The following WWP1 variants were observed in gnomAD, a reference collection of about 807,000 sequenced individuals.
The protein encoded by WWP1 is NEDD4-like E3 ubiquitin-protein ligase WWP1.
A neutral mutation model predicts 130.6 loss-of-function variants in WWP1; 49 were observed. That is an observed-to-expected ratio of 0.38 (90% CI 0.30 to 0.48). WWP1 has a LOEUF of 0.48. Among genes scored for constraint, WWP1 ranks in the 20% least tolerant of loss-of-function variants. The probability of loss-of-function intolerance (pLI) is 0.99; values close to 1 mark genes in which losing one functional copy is unlikely to be tolerated. For synonymous variants in WWP1, 332 were observed against 367.8 expected (o/e 0.90, Z 1.11); for missense variants, 809 against 1,100.6 (o/e 0.74, Z 3.75).
chr8:86,364,186 G>C (rs557673841), intron 1 of WWP1, among the ~76,000 whole-genome samples: 3 of 152,268 alleles, frequency 2.0e-5, no homozygotes, highest in South Asian at 4.1e-4. Flanking sequence ...ACTAGCTATT[G>C]GACTTGAATT....
intron 20 of WWP1, among the ~76,000 whole-genome samples, chr8:86,449,606 C>T (rs1197514568): frequency 6.6e-6 from 1 of 152,192 alleles, no homozygotes; most frequent in Non-Finnish European, 1.5e-5. Context: ...CCGTAATTTG[C>T]CAGCACGTGA....
At chr8:86,425,396 A>G in intron 10 of WWP1, 78 bp downstream of exon 10, 1 of 1,071,476 alleles carries the variant, frequency 9.3e-7, no homozygotes, top group Non-Finnish European at 1.4e-6. Context: ...GTACAGCGTA[A>G]TTTGATTCTT....
Position 86,342,667 on chromosome 8 carries a change from A to G in WWP1, c.-378A>G. 1 of 210,634 alleles carries G rather than the reference A, an allele frequency of 4.7e-6. No individual in the cohort carries two copies. Among genetic ancestry groups the G allele is most frequent in the Non-Finnish European group, 8.0e-6 (1 of 125,044 alleles). The allele number at this position is 210,634 out of a possible 1,614,324, so 13.0% of individuals were successfully genotyped here. A position where few individuals can be genotyped will look rare whatever the true frequency, so the allele number is the denominator to read the frequency against. On this transcript the variant is annotated 5_prime_UTR_variant, in exon 1 of 25. Coordinates refer to ENST00000517970, the MANE Select transcript of WWP1 (RefSeq NM_007013.4). ...GACGCGGCCACGCGGCGCGCTCCCG[A>G]GGAAGGGAGGTGTGGGGTCGGCTGG...
chr8:86,440,993 T>G (rs1186001470), intron 17 of WWP1, among the ~76,000 whole-genome samples: 1 of 152,202 alleles, frequency 6.6e-6, no homozygotes, highest in Non-Finnish European at 1.5e-5. Context: ...TCTCTTCAGT[T>G]TATTTGAGAG....
chr8:86,365,822 A>G (rs1209534664), intron 1 of WWP1, among the ~76,000 whole-genome samples: 1 of 152,196 alleles, frequency 6.6e-6, no homozygotes, highest in Non-Finnish European at 1.5e-5. Context: ...GCTTTAAAAG[A>G]AATCACATAG....
intron 9 of WWP1, among the ~76,000 whole-genome samples, chr8:86,421,862 A>G (rs146932216): frequency 3.5e-4 from 54 of 152,196 alleles, no homozygotes; most frequent in African/African-American, 1.1e-3. Context: ...AATTTACCAT[A>G]TTAACAAATA....
chr8:86,444,655 G>A (rs1010027728), intron 18 of WWP1, among the ~76,000 whole-genome samples: 9 of 152,224 alleles, frequency 5.9e-5, no homozygotes, highest in Non-Finnish European at 8.8e-5. Context: ...GACTGAGCAA[G>A]ATGAAGCCTG....
chr8:86,447,865 A>C (rs1810968777), intron 18 of WWP1, among the ~76,000 whole-genome samples: 1 of 152,166 alleles, frequency 6.6e-6, no homozygotes, highest in African/African-American at 2.4e-5. Flanking sequence ...TCAATTTATA[A>C]AACATTTAGG....
chr8:86,432,156 C>T (rs1810012680), intron 14 of WWP1, among the ~76,000 whole-genome samples: 1 of 152,192 alleles, frequency 6.6e-6, no homozygotes, highest in African/African-American at 2.4e-5. Context: ...TTAACTGCCA[C>T]ATCACACTGC....
At chr8:86,363,571 G>T (rs1823791337) in intron 1 of WWP1, among the ~76,000 whole-genome samples, 1 of 152,002 alleles carries the variant, frequency 6.6e-6, no homozygotes, top group African/African-American at 2.4e-5. Context: ...GGAGGCCGAG[G>T]TGGGCCGATC....
intron 5 of WWP1, among the ~76,000 whole-genome samples, chr8:86,387,610 T>G (rs1431781863): frequency 2.6e-5 from 4 of 151,998 alleles, no homozygotes; most frequent in African/African-American, 9.7e-5. Flanking sequence ...CCTCCTAGGT[T>G]CAAGCAATTC....
At chr8:86,419,820 T>C (rs959192150) in intron 9 of WWP1, among the ~76,000 whole-genome samples, 1 of 152,172 alleles carries the variant, frequency 6.6e-6, no homozygotes, top group Non-Finnish European at 1.5e-5. Flanking sequence ...CCAATTAAAT[T>C]CTAAATATTT....
chr8:86,390,396 C>T (rs1807235415), intron 5 of WWP1, among the ~76,000 whole-genome samples: 1 of 152,166 alleles, frequency 6.6e-6, no homozygotes, highest in Non-Finnish European at 1.5e-5. Context: ...GCACTCCAGC[C>T]TGGGCAAGAT....
intron 9 of WWP1, among the ~76,000 whole-genome samples, chr8:86,423,885 TGGCCGGGCGGG>T (rs1809400442): frequency 1.6e-5 from 2 of 124,184 alleles, no homozygotes; most frequent in Non-Finnish European, 1.7e-5. Context: ...ACGGGGCGGC[TGGCCGGGCGGG>T]GGCTGCCCCC....
At chr8:86,422,565 G>A (rs888175139) in intron 9 of WWP1, among the ~76,000 whole-genome samples, 1 of 151,540 alleles carries the variant, frequency 6.6e-6, no homozygotes, top group African/African-American at 2.4e-5. Flanking sequence ...TAGAGATGGG[G>A]TTTCTCCATG....
Position 86,439,160 on chromosome 8 carries a change from G to A in WWP1, c.1838+487G>A, listed in dbSNP as rs377275005. 5.3e-5 allele frequency among the ~76,000 whole-genome samples: 8 copies of A among 152,044 alleles called. 1 individual carries two copies. The highest frequency in any genetic ancestry group is 3.9e-4 in the East Asian group (2 of 5,176). ...AGATCGAGACCATCCTGGCTAACACGGTGAAACCCCGTCTCTACTAAAAAT... is the reference window on the plus strand; with the variant it reads ...AGATCGAGACCATCCTGGCTAACACAGTGAAACCCCGTCTCTACTAAAAAT... On this transcript the variant is annotated intron_variant, in intron 17 of 24. Transcript: ENST00000517970.
chr8:86,394,666 C>T (rs531594276), intron 5 of WWP1, among the ~76,000 whole-genome samples: 27 of 152,274 alleles, frequency 1.8e-4, no homozygotes, highest in Non-Finnish European at 3.4e-4. Context: ...TGGATAAATA[C>T]ATCGGAGTTG....
At chr8:86,428,164 A>T (rs1034423056) in intron 11 of WWP1, among the ~76,000 whole-genome samples, 3 of 152,182 alleles carry the variant, frequency 2.0e-5, no homozygotes, top group Admixed American at 2.0e-4. Flanking sequence ...CAACAAAACC[A>T]GTTACTTTAT....
intron 14 of WWP1, among the ~76,000 whole-genome samples, chr8:86,432,369 A>G (rs1025497013): frequency 1.3e-5 from 2 of 152,080 alleles, no homozygotes; most frequent in East Asian, 1.9e-4. Flanking sequence ...TCCTGTTCCT[A>G]TAGATGAACT....
Sources: gnomAD v4.1 joint callset for allele counts (sites outside exome capture counted in the v4.1 genomes callset) on GRCh38, gnomAD v4.1.1 for gene constraint, MANE v1.5 for transcripts, NCBI Gene and HGNC (gene_info 2026-07-23, HGNC 2026-07-21) for gene names.